Variants in TAB2 observed in about 807,000 individuals in gnomAD.
TAB2 encodes TGF-beta activated kinase 1 (MAP3K7) binding protein 2.
TAB2 carries 3 observed loss-of-function variants against 65.0 expected under a neutral mutation model. The observed-to-expected ratio is 0.05, with a 90% confidence interval of 0.02 to 0.12. The LOEUF is 0.12. Ranked by LOEUF, TAB2 falls within the 10% of genes least tolerant of loss-of-function variation. The pLI, the probability that TAB2 is intolerant of heterozygous loss-of-function variation, is 1.00. For missense variants in TAB2, 623 were observed against 840.3 expected (o/e 0.74, Z 3.20); for synonymous variants, 298 against 285.1 (o/e 1.05, Z -0.46).
chr6:149,281,184 T>C (rs1281170835), intron 1 of TAB2, among the ~76,000 whole-genome samples: 1 of 151,968 alleles, frequency 6.6e-6, no homozygotes, highest in Non-Finnish European at 1.5e-5. Flanking sequence ...AACAATATTA[T>C]AAAAATATTT....
intron 1 of TAB2, among the ~76,000 whole-genome samples, chr6:149,260,992 C>T (rs1778142415): frequency 6.6e-6 from 1 of 152,110 alleles, no homozygotes; most frequent in Non-Finnish European, 1.5e-5. Context: ...ATTAAACATG[C>T]ATTTAAGTCA....
chr6:149,310,243 G>A (rs951290270), intron 1 of TAB2, among the ~76,000 whole-genome samples: 2 of 152,062 alleles, frequency 1.3e-5, no homozygotes, highest in African/African-American at 4.8e-5. Flanking sequence ...AGGCTAAGGT[G>A]GGAGGATCGC....
In TAB2 at chr6:149,357,428, A is replaced by ACACAC. The variant is rs1223441586; in HGVS notation, c.-89-12481_-89-12480insCACAC. 1.7e-3 allele frequency among the ~76,000 whole-genome samples: 112 copies of ACACAC among 65,590 alleles called. 1 individual carries two copies. The highest frequency in any genetic ancestry group is 5.9e-3 in the African/African-American group (107 of 18,038). 43.0% of individuals were successfully genotyped at this position (65,590 alleles called of 152,430 possible). A position where few individuals can be genotyped will look rare whatever the true frequency, so the allele number is the denominator to read the frequency against. On this transcript the variant is annotated intron_variant, in intron 1 of 6. Transcript: ENST00000637181. ...GAGACTCCGTCTCAAGGAGAAAAAA[A>ACACAC]AAACACACACACACACACACACACA...
intron 3 of TAB2, among the ~76,000 whole-genome samples, chr6:149,387,328 T>G (rs1014422612): frequency 2.0e-5 from 3 of 152,220 alleles, no homozygotes; most frequent in Non-Finnish European, 4.4e-5. Flanking sequence ...CTTTTGCATG[T>G]GGCTATCCAA....
At chr6:149,222,070 G>A (rs1777159761) in intron 1 of TAB2, among the ~76,000 whole-genome samples, 1 of 152,184 alleles carries the variant, frequency 6.6e-6, no homozygotes, top group African/African-American at 2.4e-5. Context: ...GAACAAAAAG[G>A]TAGAGAAAGG....
At chr6:149,332,209 C>G (rs1779805573) in intron 1 of TAB2, among the ~76,000 whole-genome samples, 1 of 152,020 alleles carries the variant, frequency 6.6e-6, no homozygotes. Context: ...AGACATATAA[C>G]CAGTGATATC....
chr6:149,232,650 G>A (rs755922316), intron 1 of TAB2, among the ~76,000 whole-genome samples: 13 of 152,186 alleles, frequency 8.5e-5, no homozygotes, highest in Non-Finnish European at 1.5e-4. Context: ...ATAGAAGTGG[G>A]GGGAGGGTAT....
At chr6:149,381,695 T>G (rs904821083) in intron 3 of TAB2, among the ~76,000 whole-genome samples, 10 of 149,308 alleles carry the variant, frequency 6.7e-5, no homozygotes, top group Non-Finnish European at 1.3e-4. Flanking sequence ...CACTTTAGCC[T>G]CCCTAGTAGC....
chr6:149,396,589 A>G (rs931689713), intron 3 of TAB2, among the ~76,000 whole-genome samples: 14 of 152,228 alleles, frequency 9.2e-5, no homozygotes, highest in African/African-American at 3.4e-4. Context: ...AGATTCAAGT[A>G]TCTTCACTTC....
At position 149,251,775 on chromosome 6, in the gene TAB2, C is replaced by T. The variant is rs193089541; in HGVS notation, c.-121+32999C>T. On this transcript the variant is annotated intron_variant, in intron 1 of 1. Transcript: ENST00000606202. ...TGTGTCCGATCCAAAAAGACTTTAG[C>T]TGTACTTTGTTAAAACATGTACCAT... Among the ~76,000 whole-genome samples, 376 of 152,264 alleles carry T rather than the reference C, an allele frequency of 2.5e-3. 4 individuals are homozygous for T. The South Asian group carries it at 0.039, about 16-fold the overall frequency.
At chr6:149,285,580 T>C (rs1295871785) in intron 1 of TAB2, among the ~76,000 whole-genome samples, 2 of 152,238 alleles carry the variant, frequency 1.3e-5, no homozygotes, top group Non-Finnish European at 2.9e-5. Context: ...CTGAAACTTG[T>C]GTGATACTTA....
rs114124144 is a variant in TAB2 at position 149,297,335 on chromosome 6, C to T, written c.-121+78559C>T. On this transcript the variant is annotated intron_variant, in intron 1 of 1. Coordinates refer to the TAB2 transcript ENST00000606202. ...CAATCAAGGATCACGCATTTCATTT[C>T]TTAGTCATATCCATGACTTCTCATT... Among the ~76,000 whole-genome samples the T allele has an allele frequency of 9.0e-3, 1,366 of 152,262 alleles. 26 individuals carry two copies. Among genetic ancestry groups the T allele is most frequent in the African/African-American group, 0.031 (1,269 of 41,544 alleles).
chr6:149,318,177 C>A (rs947055842), intron 1 of TAB2, among the ~76,000 whole-genome samples, 162 bp downstream of exon 1: 1 of 152,096 alleles, frequency 6.6e-6, no homozygotes, highest in African/African-American at 2.4e-5. Context: ...CTCTTTCCTT[C>A]CCCCAGTGGC....
intron 1 of TAB2, among the ~76,000 whole-genome samples, chr6:149,355,523 C>G (rs780376220): frequency 6.6e-6 from 1 of 151,850 alleles, no homozygotes; most frequent in Non-Finnish European, 1.5e-5. Context: ...AAAAATTAGC[C>G]GGGCGTGGTG....
At chr6:149,254,109 GGAA>G (rs1158005121) in intron 1 of TAB2, among the ~76,000 whole-genome samples, 6 of 100,048 alleles carry the variant, frequency 6.0e-5, no homozygotes, top group Non-Finnish European at 1.1e-4. Context: ...AAGGAAGGAA[GGAA>G]GGACAGGGAA....
rs1344954935 is a variant in TAB2, at chr6:149,378,284, G to C, written c.369G>C (p.Gln123His). 10 of 1,614,074 alleles carry C rather than the reference G, an allele frequency of 6.2e-6. No individual in the cohort carries two copies. In the Admixed American group the frequency reaches 1.7e-4, roughly 27 times the overall value. The change falls in exon 3 of 7, where the codon CAG becomes CAC. Residue 123 changes from glutamine (Q) to histidine (H), a missense_variant. Gln to His is a conservative substitution (Grantham distance 24). Around this residue, in one of 3 missense-constraint regions of TAB2, gnomAD observed 550 missense variants for 665.7 expected, o/e 0.83. Transcript: ENST00000637181. ...QGGQSNSELF[Q>H]QEPQTAPAQV... Reference sequence around the variant, plus strand: ...GCCAGTCCAATAGTGAACTATTTCAGCAGGAGCCACAGACAGCACCAGCTC... The same window carrying C: ...GCCAGTCCAATAGTGAACTATTTCACCAGGAGCCACAGACAGCACCAGCTC...
At chr6:149,266,183 G>C (rs985029810) in intron 1 of TAB2, among the ~76,000 whole-genome samples, 1 of 152,218 alleles carries the variant, frequency 6.6e-6, no homozygotes, top group African/African-American at 2.4e-5. Context: ...TGCATGTGCA[G>C]AAAGGATGTG....
chr6:149,248,428 A>AAGGAAGG (rs59251653), intron 1 of TAB2, among the ~76,000 whole-genome samples: 14,469 of 117,258 alleles, frequency 0.12, 1,230 homozygotes, highest in African/African-American at 0.22. Flanking sequence ...AAAAAGAAAG[A>AAGGAAGG]AAGGAAGGAA....
At chr6:149,318,949 G>A (rs759021318) in intron 1 of TAB2, among the ~76,000 whole-genome samples, 11 of 152,166 alleles carry the variant, frequency 7.2e-5, no homozygotes, top group African/African-American at 2.7e-4. Context: ...GCCTCACAGG[G>A]GTTTCTCCGT....
Sources: gnomAD v4.1 joint callset for allele counts (sites outside exome capture counted in the v4.1 genomes callset) on GRCh38, gnomAD v4.1.1 for gene constraint, gnomAD v4.1.1 regional missense constraint, MANE v1.5 for transcripts, NCBI Gene and HGNC (gene_info 2026-07-23, HGNC 2026-07-21) for gene names.